Variants in JAK1 observed in about 807,000 individuals in gnomAD.
The protein encoded by JAK1 is Janus kinase 1, also known as tyrosine-protein kinase JAK1.
In JAK1, 16 loss-of-function variants were observed where a neutral mutation model predicts 136.6. That is an observed-to-expected ratio of 0.12 (90% CI 0.08 to 0.18). The LOEUF is 0.18. JAK1 is among the 10% of genes least tolerant of loss of function. The probability of loss-of-function intolerance (pLI) is 1.00; values close to 1 mark genes in which losing one functional copy is unlikely to be tolerated. For synonymous variants in JAK1, 492 were observed against 519.5 expected, an observed-to-expected ratio of 0.95 and a Z score of 0.72; for missense variants, 859 against 1,450.1, an observed-to-expected ratio of 0.59 and a Z score of 6.62.
chr1:64,892,592 G>A (rs1024973564), intron 1 of JAK1, among the ~76,000 whole-genome samples: 1 of 152,170 alleles, frequency 6.6e-6, no homozygotes, highest in African/African-American at 2.4e-5. Context: ...GGCACAATAT[G>A]TGCTTTTTAA....
At chr1:65,019,851 G>A (rs904648076) in intron 2 of JAK1, among the ~76,000 whole-genome samples, 7 of 151,876 alleles carry the variant, frequency 4.6e-5, no homozygotes, top group Admixed American at 4.6e-4. Flanking sequence ...GGGAGGCAGA[G>A]GTTGCAGTGA....
intron 8 of JAK1, among the ~76,000 whole-genome samples, chr1:64,864,441 G>A (rs762806276): frequency 1.3e-5 from 2 of 152,264 alleles, no homozygotes; most frequent in Non-Finnish European, 2.9e-5. Flanking sequence ...TCAGCAGAGA[G>A]GCCGTGCCAG....
intron 2 of JAK1, among the ~76,000 whole-genome samples, chr1:65,016,243 G>A (rs907437935): frequency 2.6e-5 from 4 of 152,192 alleles, no homozygotes; most frequent in African/African-American, 9.6e-5. Context: ...AGTTTGGGGT[G>A]ATGAAAAAGT....
chr1:64,839,809 T>C lies in JAK1; in HGVS notation c.2650-14A>G. Reference sequence around the variant, plus strand: ...CCCAAAGTGGCCCTGGAGGGAAAGATGCATGTGCTGTTATCAGGGAAGCCC... The same window carrying C: ...CCCAAAGTGGCCCTGGAGGGAAAGACGCATGTGCTGTTATCAGGGAAGCCC... On this transcript the variant is annotated splice_polypyrimidine_tract_variant and intron_variant, in intron 19 of 24. Coordinates refer to ENST00000342505, the MANE Select transcript of JAK1 (RefSeq NM_002227.4). The C allele has an allele frequency of 6.3e-7, 1 of 1,593,322 alleles. No individual in the cohort carries two copies. The highest frequency in any genetic ancestry group is 1.4e-5 in the African/African-American group (1 of 74,070).
At chr1:65,013,036 C>A (rs1646862658) in intron 2 of JAK1, among the ~76,000 whole-genome samples, 1 of 139,728 alleles carries the variant, frequency 7.2e-6, no homozygotes. Flanking sequence ...GCGGAACTTG[C>A]AGTGAGCCAA....
chr1:64,868,025 A>AGAGAGAGT (rs548259398), intron 6 of JAK1, among the ~76,000 whole-genome samples: 21 of 151,940 alleles, frequency 1.4e-4, no homozygotes, highest in Admixed American at 9.8e-4. Context: ...AGAGAGAGAG[A>AGAGAGAGT]GAGTGAGAGA....
chr1:65,025,695 T>C (rs1325472396), intron 2 of JAK1, among the ~76,000 whole-genome samples: 1 of 152,114 alleles, frequency 6.6e-6, no homozygotes, highest in Non-Finnish European at 1.5e-5. Context: ...TTTCCTTTTT[T>C]GAGACAGGGT....
intron 1 of JAK1, among the ~76,000 whole-genome samples, chr1:64,936,707 C>T (rs1369604649): frequency 6.6e-6 from 1 of 152,160 alleles, no homozygotes; most frequent in Non-Finnish European, 1.5e-5. Context: ...CTAGGACCTA[C>T]CTACCTCATT....
chr1:64,966,580 G>A (rs888974234), upstream of JAK1: 4 of 23,250 alleles, frequency 1.7e-4, no homozygotes, highest in Non-Finnish European at 4.0e-4. Flanking sequence ...GCCCCGCCCC[G>A]CGGCCGGCCC....
intron 1 of JAK1, among the ~76,000 whole-genome samples, chr1:64,945,579 T>C (rs576311475): frequency 1.3e-5 from 2 of 152,194 alleles, no homozygotes; most frequent in South Asian, 2.1e-4. Context: ...ATTTACCTTA[T>C]GTACAATAAA....
chr1:64,870,773 T>C (rs936984562), intron 5 of JAK1, among the ~76,000 whole-genome samples: 2 of 152,122 alleles, frequency 1.3e-5, no homozygotes, highest in Non-Finnish European at 2.9e-5. Flanking sequence ...ACTGCTCCCG[T>C]TTCTCTTCTT....
chr1:65,013,062 C>T (rs1320659878), intron 2 of JAK1, among the ~76,000 whole-genome samples: 2 of 142,920 alleles, frequency 1.4e-5, no homozygotes, highest in African/African-American at 2.6e-5. Flanking sequence ...TGCCACTGCA[C>T]TCCAGCCTGG....
intron 1 of JAK1, among the ~76,000 whole-genome samples, chr1:64,934,709 T>A (rs1645758015): frequency 6.6e-6 from 1 of 152,246 alleles, no homozygotes; most frequent in African/African-American, 2.4e-5. Flanking sequence ...GGTGAAGTCC[T>A]GTGGACTCCA....
chr1:64,955,662 A>T (rs1300588795), intron 1 of JAK1, among the ~76,000 whole-genome samples: 1 of 152,246 alleles, frequency 6.6e-6, no homozygotes, highest in Non-Finnish European at 1.5e-5. Context: ...CAGTAGTCAG[A>T]CACGGAAAGA....
chr1:64,972,702 T>C (rs1366447721), intron 2 of JAK1: 1 of 152,252 alleles, frequency 6.6e-6, no homozygotes, highest in South Asian at 2.1e-4. Flanking sequence ...GGTGGGAGGA[T>C]CGCTTGAGCC....
intron 7 of JAK1, among the ~76,000 whole-genome samples, chr1:64,866,159 G>A (rs934698512): frequency 2.0e-5 from 3 of 152,106 alleles, no homozygotes; most frequent in Admixed American, 6.5e-5. Flanking sequence ...GCTAAATGCC[G>A]TTTAGTTTCT....
chr1:64,870,145 G>C (rs1243812840), intron 5 of JAK1, among the ~76,000 whole-genome samples: 2 of 152,148 alleles, frequency 1.3e-5, no homozygotes, highest in Non-Finnish European at 2.9e-5. Context: ...TAATTCCAGT[G>C]CCGGCTCCCA....
intron 2 of JAK1, among the ~76,000 whole-genome samples, chr1:64,976,056 C>T (rs1646495404): frequency 6.6e-6 from 1 of 152,188 alleles, no homozygotes; most frequent in South Asian, 2.1e-4. Flanking sequence ...AGGACAGTTC[C>T]CATTGGGTCA....
At chr1:64,971,476 G>A (rs1646450880), upstream of JAK1, among the ~76,000 whole-genome samples, 1 of 152,042 alleles carries the variant, frequency 6.6e-6, no homozygotes, top group African/African-American at 2.4e-5. Context: ...CTCCTGAGTA[G>A]CAGGGACTAC....
Sources: gnomAD v4.1 joint callset for allele counts (sites outside exome capture counted in the v4.1 genomes callset) on GRCh38, gnomAD v4.1.1 for gene constraint, MANE v1.5 for transcripts, NCBI Gene and HGNC (gene_info 2026-07-23, HGNC 2026-07-21) for gene names.